Variants in PHF21B observed in about 807,000 individuals in gnomAD.
The protein encoded by PHF21B is PHD finger protein 4.
A neutral mutation model predicts 62.2 loss-of-function variants in PHF21B; 22 were observed. The ratio of observed to expected loss-of-function variants is 0.35; its 90% CI spans 0.25 to 0.51. PHF21B has a LOEUF of 0.51. Among genes scored for constraint, PHF21B ranks in the 20% least tolerant of loss-of-function variants. PHF21B has a pLI of 0.97. For synonymous variants in PHF21B, 341 were observed against 314.7 expected, an observed-to-expected ratio of 1.08 and a Z score of -0.88; for missense variants, 701 against 707.9, an observed-to-expected ratio of 0.99 and a Z score of 0.11.
chr22:44,909,290 C>G (rs1256897201), intron 5 of PHF21B, among the ~76,000 whole-genome samples: 1 of 152,196 alleles, frequency 6.6e-6, no homozygotes, highest in East Asian at 1.9e-4. Flanking sequence ...AGAGAATCCA[C>G]CCAGAATACC....
intron 2 of PHF21B, among the ~76,000 whole-genome samples, chr22:44,949,131 G>A (rs544639059): frequency 6.6e-6 from 1 of 152,070 alleles, no homozygotes; most frequent in South Asian, 2.1e-4. Context: ...GAGAAACCCC[G>A]TCTCTACTAA....
chr22:45,002,417 G>A (rs1393718015), intron 2 of PHF21B, among the ~76,000 whole-genome samples: 1 of 152,146 alleles, frequency 6.6e-6, no homozygotes, highest in Non-Finnish European at 1.5e-5. Context: ...TTCCAGAGGT[G>A]TCCCCCACTA....
intron 5 of PHF21B, among the ~76,000 whole-genome samples, chr22:44,903,778 A>G (rs1174248383): frequency 2.0e-5 from 3 of 152,210 alleles, no homozygotes; most frequent in Admixed American, 6.5e-5. Flanking sequence ...TGATGGATGT[A>G]CCTTTAGTAT....
chr22:45,001,442 C>T lies in PHF21B; in HGVS notation c.120+7103G>A, dbSNP rs79597847. On this transcript the variant is annotated intron_variant, in intron 2 of 12. Coordinates refer to ENST00000313237, the MANE Select transcript of PHF21B (RefSeq NM_138415.5). ...CTGGAGCTGTCCCCACACCCCTCAGCACAGCACATCGTCCCATCTGCCACC... is the reference window on the plus strand; with the variant it reads ...CTGGAGCTGTCCCCACACCCCTCAGTACAGCACATCGTCCCATCTGCCACC... Among the ~76,000 whole-genome samples the T allele has an allele frequency of 8.8e-3, 1,346 of 152,320 alleles. 21 individuals are homozygous for T. The highest frequency in any genetic ancestry group is 0.031 in the African/African-American group (1,269 of 41,560).
intron 2 of PHF21B, among the ~76,000 whole-genome samples, chr22:44,974,475 A>T (rs915624855): frequency 2.6e-5 from 4 of 151,744 alleles, no homozygotes; most frequent in Admixed American, 1.3e-4. Context: ...CCCTGACATG[A>T]CACATGCTTA....
Position 44,991,584 on chromosome 22 carries a change from G to A in PHF21B, c.120+16961C>T, listed in dbSNP as rs189132962. Among the ~76,000 whole-genome samples the A allele has an allele frequency of 1.6e-3, 247 of 152,300 alleles. 1 individual carries two copies. The highest frequency in any genetic ancestry group is 5.6e-3 in the African/African-American group (231 of 41,570). ...CCCCTAGATGGTGAGTGATGCTGTG[G>A]TCCTCTCTGTGGGGCCAGGACATCC... On this transcript the variant is annotated intron_variant, in intron 2 of 12. Coordinates refer to ENST00000313237, the MANE Select transcript of PHF21B (RefSeq NM_138415.5).
intron 2 of PHF21B, among the ~76,000 whole-genome samples, chr22:45,007,890 C>G (rs1319250204): frequency 6.6e-6 from 1 of 151,508 alleles, no homozygotes; most frequent in Non-Finnish European, 1.5e-5. Context: ...GACAACTTTT[C>G]CTCCCCGGAG....
At chr22:44,948,128 C>T (rs2072116119) in intron 2 of PHF21B, among the ~76,000 whole-genome samples, 1 of 150,962 alleles carries the variant, frequency 6.6e-6, no homozygotes, top group Non-Finnish European at 1.5e-5. Context: ...TTTCCACGGA[C>T]CTGGGAGGGA....
chr22:44,908,185 G>A (rs1008613547), intron 5 of PHF21B, among the ~76,000 whole-genome samples: 1 of 152,160 alleles, frequency 6.6e-6, no homozygotes, highest in Non-Finnish European at 1.5e-5. Flanking sequence ...GGCGTCTCCA[G>A]TGGCGAGGCT....
chr22:44,933,493 C>A, intron 2 of PHF21B: 2 of 985,478 alleles, frequency 2.0e-6, no homozygotes, highest in Non-Finnish European at 2.4e-6. Context: ...GTCCCTTGTG[C>A]ACAGATGAGA....
chr22:44,916,088 C>G (rs1047763909), intron 4 of PHF21B, among the ~76,000 whole-genome samples, 192 bp downstream of exon 4: 6 of 152,250 alleles, frequency 3.9e-5, no homozygotes, highest in Non-Finnish European at 8.8e-5. Flanking sequence ...CTCCCTTAAT[C>G]ATGTGTTCAT....
chr22:44,927,876 A>T (rs1218627421), intron 2 of PHF21B, among the ~76,000 whole-genome samples: 1 of 152,210 alleles, frequency 6.6e-6, no homozygotes, highest in South Asian at 2.1e-4. Flanking sequence ...TTACAGCTCC[A>T]AGCATTTTAA....
chr22:44,977,330 C>T (rs1265878981), intron 2 of PHF21B, among the ~76,000 whole-genome samples: 1 of 151,794 alleles, frequency 6.6e-6, no homozygotes, highest in African/African-American at 2.4e-5. Flanking sequence ...TTTGGGAGGC[C>T]GAGGTGGGCA....
chr22:44,958,598 ATTT>A (rs59943293), intron 2 of PHF21B, among the ~76,000 whole-genome samples: 12 of 75,902 alleles, frequency 1.6e-4, no homozygotes, highest in East Asian at 4.8e-4. Context: ...CCTTCCTTTG[ATTT>A]TTTTTTTTTT....
At chr22:45,005,591 G>A (rs1601704493) in intron 2 of PHF21B, among the ~76,000 whole-genome samples, 2 of 152,258 alleles carry the variant, frequency 1.3e-5, no homozygotes, top group African/African-American at 2.4e-5. Context: ...AAAACATCGC[G>A]CTAAGGGCAT....
At chr22:44,893,188 C>T (rs983740905) in intron 7 of PHF21B, among the ~76,000 whole-genome samples, 3 of 151,840 alleles carry the variant, frequency 2.0e-5, no homozygotes, top group African/African-American at 4.8e-5. Context: ...GGCAAGAAGC[C>T]GGTGTACCTC....
chr22:44,961,119 G>A (rs948279145), intron 2 of PHF21B, among the ~76,000 whole-genome samples: 1 of 151,646 alleles, frequency 6.6e-6, no homozygotes, highest in Non-Finnish European at 1.5e-5. Context: ...ACCACACCCG[G>A]CTCATTTTTG....
intron 12 of PHF21B, among the ~76,000 whole-genome samples, chr22:44,884,962 G>A (rs1189499343): frequency 6.6e-6 from 1 of 152,248 alleles, no homozygotes; most frequent in Non-Finnish European, 1.5e-5. Flanking sequence ...GAGGAATTAC[G>A]TTCACTTTAC....
intron 12 of PHF21B, among the ~76,000 whole-genome samples, 164 bp from the exon 13 acceptor site, chr22:44,883,468 C>G (rs1488852819): frequency 6.6e-6 from 1 of 152,296 alleles, no homozygotes; most frequent in East Asian, 1.9e-4. Context: ...AATTAAAGAG[C>G]AGCCAGACCC....
Sources: allele counts gnomAD v4.1 joint callset (sites outside exome capture counted in the v4.1 genomes callset), GRCh38; gene constraint gnomAD v4.1.1; transcripts MANE v1.5; gene names NCBI Gene and HGNC (gene_info 2026-07-23, HGNC 2026-07-21).